Variants in DLG2 observed in about 807,000 individuals in gnomAD.
DLG2 encodes discs large MAGUK scaffold protein 2.
Under a neutral mutation model 132.5 loss-of-function variants are expected in DLG2, and 45 were observed. The observed-to-expected ratio is 0.34, with a 90% CI of 0.27 to 0.44. The LOEUF is 0.44. Among genes scored for constraint, DLG2 ranks in the 20% least tolerant of loss-of-function variants. The pLI is 1.00. For missense variants in DLG2, 1,045 were observed against 1,196.9 expected (o/e 0.87, Z 1.87); for synonymous variants, 424 against 419.6 (o/e 1.01, Z -0.13).
In DLG2 at chr11:85,373,063, C is replaced by A. The variant is rs149919724; in HGVS notation, c.41-87698G>T. Among the ~76,000 whole-genome samples, 257 of 152,280 alleles carry A rather than the reference C, an allele frequency of 1.7e-3. 2 individuals are homozygous for A. The highest frequency in any genetic ancestry group is 5.8e-3 in the African/African-American group (243 of 41,554). ...GGGACACTCCCCTCAGATGCATCCT[C>A]CAAACTGAAAAGAGTTAATTTCCCA... is the stretch of plus-strand genomic sequence containing the variant. On this transcript the variant is annotated intron_variant, in intron 3 of 27. Coordinates refer to ENST00000376104, the MANE Select transcript of DLG2 (RefSeq NM_001142699.3).
At chr11:84,650,881 A>ACATACATATATATATAC (rs1555136012) in intron 6 of DLG2, among the ~76,000 whole-genome samples, 48 of 125,710 alleles carry the variant, frequency 3.8e-4, no homozygotes, top group Admixed American at 1.6e-3. Flanking sequence ...GTGTATATAT[A>ACATACATATATATATAC]TATATATATA....
chr11:83,768,742 C>CT (rs2094252624), intron 18 of DLG2, among the ~76,000 whole-genome samples: 1 of 152,174 alleles, frequency 6.6e-6, no homozygotes. Flanking sequence ...AGGGAAAGTG[C>CT]TGTAAAATCC....
intron 20 of DLG2, among the ~76,000 whole-genome samples, chr11:83,539,022 T>C (rs1222570898): frequency 6.6e-6 from 1 of 152,198 alleles, no homozygotes; most frequent in Non-Finnish European, 1.5e-5. Context: ...TTCAGGCACA[T>C]TAATGAACCT....
chr11:84,745,978 G>C (rs1246345969), intron 6 of DLG2, among the ~76,000 whole-genome samples: 3 of 152,112 alleles, frequency 2.0e-5, no homozygotes, highest in Non-Finnish European at 4.4e-5. Flanking sequence ...AATTCCAGGT[G>C]GATTGCTGAA....
At chr11:84,341,245 C>T (rs1430884557) in intron 7 of DLG2, among the ~76,000 whole-genome samples, 1 of 152,016 alleles carries the variant, frequency 6.6e-6, no homozygotes, top group Non-Finnish European at 1.5e-5. Context: ...CCTAGTTGCA[C>T]CACTGGAGCC....
intron 6 of DLG2, among the ~76,000 whole-genome samples, chr11:84,893,575 C>T (rs528561996): frequency 2.6e-5 from 4 of 152,252 alleles, no homozygotes; most frequent in African/African-American, 9.6e-5. Flanking sequence ...TGAAAGTTTA[C>T]TCAGTTGAGT....
chr11:84,606,947 T>C (rs2099586843), intron 6 of DLG2, among the ~76,000 whole-genome samples: 1 of 152,178 alleles, frequency 6.6e-6, no homozygotes, highest in African/African-American at 2.4e-5. Context: ...TTTTATTTAC[T>C]ACAAGTGTCA....
chr11:85,195,523 G>GTTTTT (rs34574453), intron 4 of DLG2, among the ~76,000 whole-genome samples: 1 of 133,708 alleles, frequency 7.5e-6, no homozygotes, highest in Non-Finnish European at 1.6e-5. Flanking sequence ...AAGTGACAGT[G>GTTTTT]TTTTTTTTTT....
intron 7 of DLG2, among the ~76,000 whole-genome samples, chr11:84,491,655 T>G (rs1458817429): frequency 1.3e-5 from 2 of 152,136 alleles, no homozygotes; most frequent in Non-Finnish European, 2.9e-5. Context: ...CTATAGACCA[T>G]TTTAGATGGT....
rs186369590 is a variant in DLG2, at chr11:84,489,987, A to G, written c.519+44583T>C. The stretch of plus-strand genomic sequence containing the variant: ...AGGAAGTACCAAAAGAAAAATAGAA[A>G]AAAAGAAGATATTTTCAGAAGTGTT... On this transcript the variant is annotated intron_variant, in intron 7 of 27. Coordinates refer to ENST00000376104, the MANE Select transcript of DLG2 (RefSeq NM_001142699.3). 2.0e-5 allele frequency among the ~76,000 whole-genome samples: 3 copies of G among 152,256 alleles called. No individual in the cohort carries two copies. In the East Asian group the frequency reaches 5.8e-4, roughly 29 times the overall value.
At chr11:84,443,984 T>C (rs2099025161) in intron 7 of DLG2, among the ~76,000 whole-genome samples, 1 of 151,806 alleles carries the variant, frequency 6.6e-6, no homozygotes, top group Non-Finnish European at 1.5e-5. Context: ...TTAAATGTTT[T>C]GCTTTTCATC....
chr11:84,796,237 T>A (rs1440545686), intron 6 of DLG2, among the ~76,000 whole-genome samples: 1 of 152,204 alleles, frequency 6.6e-6, no homozygotes. Flanking sequence ...CACTACTATG[T>A]ACCAACAAAA....
At chr11:84,905,715 T>C (rs955401694) in intron 6 of DLG2, among the ~76,000 whole-genome samples, 1 of 152,200 alleles carries the variant, frequency 6.6e-6, no homozygotes, top group African/African-American at 2.4e-5. Flanking sequence ...AATCCATTTC[T>C]TGTATTTTTT....
chr11:84,022,437 A>T (rs563347588), intron 11 of DLG2, among the ~76,000 whole-genome samples: 1 of 152,278 alleles, frequency 6.6e-6, no homozygotes, highest in Admixed American at 6.5e-5. Flanking sequence ...GCAGAAACAC[A>T]GGAGGAAGTG....
At chr11:85,496,563 C>A (rs2093672841) in intron 3 of DLG2, among the ~76,000 whole-genome samples, 1 of 152,116 alleles carries the variant, frequency 6.6e-6, no homozygotes, top group African/African-American at 2.4e-5. Flanking sequence ...CTGAAAAGAC[C>A]AGTGGTTCTC....
At chr11:84,152,906 T>C (rs575775110) in intron 9 of DLG2, among the ~76,000 whole-genome samples, 28 of 152,302 alleles carry the variant, frequency 1.8e-4, no homozygotes, top group African/African-American at 6.5e-4. Context: ...TTGTTAGCTG[T>C]TTTGTAGACT....
At chr11:84,686,392 A>C (rs886422742) in intron 6 of DLG2, among the ~76,000 whole-genome samples, 15 of 152,172 alleles carry the variant, frequency 9.9e-5, no homozygotes, top group Admixed American at 3.3e-4. Context: ...TCGTGTCTGG[A>C]GATCTAAAAT....
chr11:83,743,312 C>A (rs1228309020), intron 18 of DLG2, among the ~76,000 whole-genome samples: 1 of 152,062 alleles, frequency 6.6e-6, no homozygotes, highest in African/African-American at 2.4e-5. Flanking sequence ...GTCAGTTTTA[C>A]TGCAGAAATA....
chr11:84,836,864 CT>C (rs36091492), intron 6 of DLG2, among the ~76,000 whole-genome samples: 35,641 of 151,680 alleles, frequency 0.23, 4,887 homozygotes, highest in Non-Finnish European at 0.3. Context: ...AAAGCATATA[CT>C]TTTTTTTATT....
Sources: allele counts gnomAD v4.1 joint callset (sites outside exome capture counted in the v4.1 genomes callset), GRCh38; gene constraint gnomAD v4.1.1; transcripts MANE v1.5; gene names NCBI Gene and HGNC (gene_info 2026-07-23, HGNC 2026-07-21).